The following GALNT17 variants were observed in gnomAD, a reference collection of about 807,000 sequenced individuals.
The protein encoded by GALNT17 is polypeptide N-acetylgalactosaminyltransferase 17, also known as UDP-GalNAc:polypeptide N-acetylgalactosaminyltransferase-like 3.
In GALNT17, 29 loss-of-function variants were observed where a neutral mutation model predicts 63.7. The ratio of observed to expected loss-of-function variants is 0.46; its 90% CI spans 0.34 to 0.62. GALNT17 has a LOEUF of 0.62. Ranked by LOEUF, GALNT17 falls within the 20% of genes least tolerant of loss-of-function variation. GALNT17 has a pLI of 0.01. For missense variants in GALNT17, 603 were observed against 799.6 expected (o/e 0.75, Z 2.97); for synonymous variants, 305 against 318.3 (o/e 0.96, Z 0.45).
intron 2 of GALNT17, among the ~76,000 whole-genome samples, chr7:71,336,170 C>G (rs572607665): frequency 2.0e-5 from 3 of 151,610 alleles, no homozygotes; most frequent in African/African-American, 7.3e-5. Flanking sequence ...CTCAGCCTCC[C>G]GAGTAGCTGG....
chr7:71,278,798 A>T (rs1790727849), intron 1 of GALNT17, among the ~76,000 whole-genome samples: 1 of 151,996 alleles, frequency 6.6e-6, no homozygotes, highest in South Asian at 2.1e-4. Context: ...CAATTACCTC[A>T]CACCGAGTCC....
chr7:71,664,182 C>T (rs1790949486), intron 6 of GALNT17, among the ~76,000 whole-genome samples: 1 of 152,166 alleles, frequency 6.6e-6, no homozygotes, highest in South Asian at 2.1e-4. Context: ...CCCTCAAAGG[C>T]AGCCATCATT....
At chr7:71,554,895 A>G (rs973973333) in intron 5 of GALNT17, among the ~76,000 whole-genome samples, 4 of 152,230 alleles carry the variant, frequency 2.6e-5, no homozygotes, top group African/African-American at 9.6e-5. Context: ...CTCTAAAAGA[A>G]TATCTGAGGC....
intron 9 of GALNT17, among the ~76,000 whole-genome samples, chr7:71,682,121 T>C (rs566353694): frequency 3.2e-4 from 49 of 152,014 alleles, no homozygotes; most frequent in Admixed American, 1.8e-3. Context: ...GTGATGGTGT[T>C]TCGCCACGTT....
At chr7:71,670,186 A>T in intron 8 of GALNT17, 77 bp downstream of exon 8, 1 of 1,589,554 alleles carries the variant, frequency 6.3e-7, no homozygotes, top group Non-Finnish European at 8.6e-7. Context: ...GGAGAAATAG[A>T]GTTGCTCATT....
chr7:71,615,660 TAG>T (rs1394051010), intron 6 of GALNT17, among the ~76,000 whole-genome samples: 1 of 151,998 alleles, frequency 6.6e-6, no homozygotes, highest in Non-Finnish European at 1.5e-5. Context: ...GTATTTTTAG[TAG>T]AGACAGGATT....
chr7:71,442,266 A>T (rs1787081473), intron 5 of GALNT17, among the ~76,000 whole-genome samples: 1 of 151,940 alleles, frequency 6.6e-6, no homozygotes. Flanking sequence ...GCCCGATCTC[A>T]GCTCACTGCA....
chr7:71,406,955 A>G (rs892275101), intron 3 of GALNT17, among the ~76,000 whole-genome samples: 1 of 152,144 alleles, frequency 6.6e-6, no homozygotes, highest in South Asian at 2.1e-4. Flanking sequence ...TGAAAAAAAG[A>G]AAAAAAGAGA....
At chr7:71,369,811 CAAAAAAAAAAAAAAAAA>C (rs763387719) in intron 2 of GALNT17, among the ~76,000 whole-genome samples, 8 of 72,136 alleles carry the variant, frequency 1.1e-4, no homozygotes, top group Non-Finnish European at 1.5e-4. Flanking sequence ...GGCTTTTTGT[CAAAAAAAAAAAAAAAAA>C]AAAAAAAAAG....
At chr7:71,209,916 A>C (rs1164936477) in intron 1 of GALNT17, among the ~76,000 whole-genome samples, 1 of 148,756 alleles carries the variant, frequency 6.7e-6, no homozygotes. Context: ...TGTGATATTT[A>C]TTTATTTATT....
In GALNT17 at chr7:71,396,988, A is replaced by T. The variant is rs554136299; in HGVS notation, c.589+8587A>T. 3.9e-5 allele frequency among the ~76,000 whole-genome samples: 6 copies of T among 152,082 alleles called. No homozygotes were observed. The South Asian group carries it at 1.0e-3, about 26-fold the overall frequency. Reference sequence around the variant, plus strand: ...GTATCCTTTAACTTTGCTGAACTTGATTATTAGCTCCAGTAGGTTTTTTTG... The same window carrying T: ...GTATCCTTTAACTTTGCTGAACTTGTTTATTAGCTCCAGTAGGTTTTTTTG... On this transcript the variant is annotated intron_variant, in intron 3 of 10. Coordinates refer to ENST00000333538, the MANE Select transcript of GALNT17 (RefSeq NM_022479.3).
intron 9 of GALNT17, among the ~76,000 whole-genome samples, chr7:71,698,642 T>C (rs1279266466): frequency 2.0e-5 from 3 of 152,010 alleles, no homozygotes; most frequent in South Asian, 4.2e-4. Flanking sequence ...TCTGATAACA[T>C]GTCAACAAAT....
intron 9 of GALNT17, among the ~76,000 whole-genome samples, chr7:71,706,298 G>C (rs1426090215): frequency 6.6e-6 from 1 of 152,142 alleles, no homozygotes; most frequent in Non-Finnish European, 1.5e-5. Flanking sequence ...GCTTAGGACT[G>C]CCATGTGGCC....
At chr7:71,386,050 C>G (rs1792937132) in intron 2 of GALNT17, among the ~76,000 whole-genome samples, 1 of 152,120 alleles carries the variant, frequency 6.6e-6, no homozygotes, top group Non-Finnish European at 1.5e-5. Context: ...TGTGGACCAC[C>G]ACACAGTCAA....
At chr7:71,254,602 T>C (rs1338981443) in intron 1 of GALNT17, among the ~76,000 whole-genome samples, 1 of 152,150 alleles carries the variant, frequency 6.6e-6, no homozygotes, top group Non-Finnish European at 1.5e-5. Context: ...GAGGAGAGTG[T>C]AAGAAGGCAT....
At chr7:71,623,081 C>T (rs963751043) in intron 6 of GALNT17, among the ~76,000 whole-genome samples, 5 of 152,118 alleles carry the variant, frequency 3.3e-5, no homozygotes, top group Admixed American at 6.5e-5. Flanking sequence ...ACCTTATCCC[C>T]GCTTTCAGAC....
At chr7:71,590,185 AC>A (rs1171413483) in intron 6 of GALNT17, among the ~76,000 whole-genome samples, 2 of 152,226 alleles carry the variant, frequency 1.3e-5, no homozygotes, top group African/African-American at 4.8e-5. Context: ...AAGAAATAGA[AC>A]TGCAATGTTG....
intron 1 of GALNT17, among the ~76,000 whole-genome samples, chr7:71,199,144 G>T (rs1310543279): frequency 6.6e-6 from 1 of 152,146 alleles, no homozygotes; most frequent in Non-Finnish European, 1.5e-5. Flanking sequence ...GCACTTCACT[G>T]CGCTGCATGT....
rs888354345 is a variant in GALNT17, at chr7:71,590,810, C to A, written c.1080+19408C>A. On this transcript the variant is annotated intron_variant, in intron 6 of 10. Coordinates refer to ENST00000333538, the MANE Select transcript of GALNT17 (RefSeq NM_022479.3). ...TGGCTCGATCTCGGCTCACTGGAAC[C>A]TCCGCCTCCTGAGTTCAAGCGATTC... 4.0e-4 allele frequency among the ~76,000 whole-genome samples: 61 copies of A among 152,114 alleles called. 1 individual carries two copies. The highest frequency in any genetic ancestry group is 7.9e-4 in the Non-Finnish European group (54 of 68,028).
Sources: allele counts gnomAD v4.1 joint callset (sites outside exome capture counted in the v4.1 genomes callset), GRCh38; gene constraint gnomAD v4.1.1; transcripts MANE v1.5; gene names NCBI Gene and HGNC (gene_info 2026-07-23, HGNC 2026-07-21).